Variants in CEACAM19 observed in about 807,000 individuals in gnomAD.
CEACAM19 encodes the protein cell adhesion molecule CEACAM19.
CEACAM19 carries 37 observed loss-of-function variants against 37.6 expected under a neutral mutation model. That is an observed-to-expected ratio of 0.98 (90% CI 0.76 to 1.29). The LOEUF is 1.29. CEACAM19 is among the 50% of genes most tolerant of loss of function. CEACAM19 has a pLI of 0.00. For synonymous variants in CEACAM19, 140 were observed against 149.8 expected (o/e 0.93, Z 0.48); for missense variants, 340 against 375.6 (o/e 0.91, Z 0.78).
intron 2 of CEACAM19, among the ~76,000 whole-genome samples, chr19:44,675,943 T>TC (rs1281419481): frequency 6.6e-6 from 1 of 151,918 alleles, no homozygotes; most frequent in Non-Finnish European, 1.5e-5. Flanking sequence ...TGTTGAAATT[T>TC]TTTTTTTAAT....
upstream of CEACAM19, among the ~76,000 whole-genome samples, chr19:44,667,735 T>C (rs1299069581): frequency 2.7e-5 from 2 of 75,252 alleles, no homozygotes; most frequent in African/African-American, 1.2e-4. Flanking sequence ...TATATTTATA[T>C]ATATAATATA....
upstream of CEACAM19, among the ~76,000 whole-genome samples, chr19:44,669,598 C>G (rs570334266): frequency 1.3e-5 from 2 of 152,170 alleles, no homozygotes; most frequent in African/African-American, 4.8e-5. Flanking sequence ...CTCCACTCAC[C>G]CAAGATATTG....
At chr19:44,668,759 T>TATATAATATAATATAATATATA (rs1363208366), upstream of CEACAM19, among the ~76,000 whole-genome samples, 5 of 91,468 alleles carry the variant, frequency 5.5e-5, no homozygotes, top group African/African-American at 3.8e-4. Context: ...TATAATATAA[T>TATATAATATAATATAATATATA]ATATATAATA....
In CEACAM19 at chr19:44,672,768, G is replaced by T. The variant is rs1973879046; in HGVS notation, c.228G>T (p.Arg76Ser). 1.3e-6 allele frequency: 2 copies of T among 1,581,716 alleles called. No homozygotes were observed. Among genetic ancestry groups the T allele is most frequent in the East Asian group, 4.6e-5 (2 of 43,420 alleles). The change falls in exon 2 of 8, where the codon AGG (arginine) becomes AGT (serine). Residue 76 changes from arginine (R) to serine (S), a missense_variant. By Grantham distance (110) the Arg-to-Ser change is moderately radical. Transcript: ENST00000358777. ...GGGAGGAGACGTACGGAGGCACGAG[G>T]CTATTTACCTACATCCCTGGGATAC... ...YLGEETYGGT[R>S]LFTYIPGIQR...
At chr19:44,671,324 G>A, upstream of CEACAM19, 1 of 202,748 alleles carries the variant, frequency 4.9e-6, no homozygotes, top group Non-Finnish European at 9.8e-6. Flanking sequence ...GTTTCACCAT[G>A]TTGGCCAGGC....
At chr19:44,675,443 A>T (rs2122133749) in intron 2 of CEACAM19, among the ~76,000 whole-genome samples, 1 of 152,148 alleles carries the variant, frequency 6.6e-6, no homozygotes, top group African/African-American at 2.4e-5. Flanking sequence ...CCAGAACCTC[A>T]TCCTTCTGCT....
At chr19:44,683,030 G>A (rs1262253725) in intron 7 of CEACAM19, 2 of 250,270 alleles carry the variant, frequency 8.0e-6, no homozygotes, top group Non-Finnish European at 1.5e-5. Flanking sequence ...ACATATGTCT[G>A]TATGTCTGTC....
At position 44,684,351 on chromosome 19, in the gene CEACAM19, A is replaced by T. The variant is rs1204370829; in HGVS notation, c.*861A>T. The T allele has an allele frequency of 2.0e-5, 3 of 151,324 alleles. No individual in the cohort carries two copies. The highest frequency in any genetic ancestry group is 2.9e-5 in the Non-Finnish European group (2 of 67,846). The allele number at this position is 151,324 out of a possible 1,614,324, so 9.4% of individuals were successfully genotyped here. A position where few individuals can be genotyped will look rare whatever the true frequency, so the allele number is the denominator to read the frequency against. ...AAAGAATCAGGAAATAAAATAAATA[A>T]TGAACATGCGTTGTCTGTCAGATGG... On this transcript the variant is annotated 3_prime_UTR_variant, in exon 8 of 8. Coordinates refer to ENST00000358777, the MANE Select transcript of CEACAM19 (RefSeq NM_001127893.3).
At position 44,672,923 on chromosome 19, in the gene CEACAM19, CTGAA is replaced by C. The variant is rs761154450; in HGVS notation, c.386_389del (p.Glu129GlyfsTer3). The stretch of plus-strand genomic sequence containing the variant: ...TACCAAGTAGCCATTACCATCAACT[CTGAA>C]TGGACTATGAAGGCCAAGACTGAGG... On this transcript the variant is annotated frameshift_variant, in exon 2 of 8. Transcript: ENST00000358777. LOFTEE classifies it high-confidence loss of function. 138 of 1,531,418 alleles carry C rather than the reference CTGAA, an allele frequency of 9.0e-5. No homozygotes were observed. The highest frequency in any genetic ancestry group is 3.5e-4 in the Middle Eastern group (2 of 5,748). 94.9% of individuals were successfully genotyped at this position (1,531,418 alleles called of 1,614,324 possible). A position where few individuals can be genotyped will look rare whatever the true frequency, so the allele number is the denominator to read the frequency against.
upstream of CEACAM19, among the ~76,000 whole-genome samples, chr19:44,667,832 TTTATATATAATATATACAATATATATAAA>T (rs1568512270): frequency 5.4e-5 from 4 of 73,930 alleles, no homozygotes; most frequent in South Asian, 1.2e-3. Flanking sequence ...AATTATATAT[TTTATATATAATATATACAATATATATAAA>T]TTATATATAA....
upstream of CEACAM19, among the ~76,000 whole-genome samples, chr19:44,668,682 A>ATTATAATATATTATATATTATATT (rs1295795791): frequency 2.7e-5 from 2 of 73,806 alleles, no homozygotes; most frequent in South Asian, 3.8e-4. Flanking sequence ...TATATTATAT[A>ATTATAATATATTATATATTATATT]TTATAATATA....
In CEACAM19 at chr19:44,683,608, T is replaced by C. The variant is rs1974105477; in HGVS notation, c.*118T>C. 2 of 585,492 alleles carry C rather than the reference T, an allele frequency of 3.4e-6. No homozygotes were observed. The highest frequency in any genetic ancestry group is 5.8e-6 in the Non-Finnish European group (2 of 341,998). The allele number at this position is 585,492 out of a possible 1,614,324, so 36.3% of individuals were successfully genotyped here. On this transcript the variant is annotated 3_prime_UTR_variant, in exon 8 of 8. Coordinates refer to ENST00000358777, the MANE Select transcript of CEACAM19 (RefSeq NM_001127893.3). ...GGGCTGTGGGGCCGATGAGGTGGAC[T>C]CAGCCAAAGACTCAGCAGCACATGG...
Position 44,678,870 on chromosome 19 carries a change from G to C in CEACAM19, c.593G>C (p.Gly198Ala). 2 of 1,613,920 alleles carry C rather than the reference G, an allele frequency of 1.2e-6. No homozygotes were observed. Among genetic ancestry groups the C allele is most frequent in the Non-Finnish European group, 1.7e-6 (2 of 1,179,936 alleles). ...CACCCTAGACTGCCTGCTCCGAGGGGCCAGGGATCTCTGTCCATCTTGTGC... is the reference window on the plus strand; with the variant it reads ...CACCCTAGACTGCCTGCTCCGAGGGCCCAGGGATCTCTGTCCATCTTGTGC... Reference protein sequence around the residue: ...GQSHRLPAPRGQGSLSILCSA... With the variant: ...GQSHRLPAPRAQGSLSILCSA... Residue 198 changes from glycine to alanine, a missense_variant, in exon 4 of 8, where the codon GGC becomes GCC. Physicochemically the swap from Gly to Ala is moderately conservative, Grantham distance 60. Transcript: ENST00000358777.
upstream of CEACAM19, among the ~76,000 whole-genome samples, chr19:44,670,796 A>G (rs56313026): frequency 8.1e-6 from 1 of 122,934 alleles, no homozygotes; most frequent in African/African-American, 4.6e-5. Context: ...AAAAAAAAAA[A>G]AAAAAAAAAA....
intron 6 of CEACAM19, among the ~76,000 whole-genome samples, 167 bp downstream of exon 6, chr19:44,681,479 A>C (rs371520810): frequency 6.6e-6 from 1 of 152,202 alleles, no homozygotes; most frequent in Non-Finnish European, 1.5e-5. Context: ...CTGGAAGGAA[A>C]CAGCACAACA....
rs371011675 is a variant in CEACAM19, at chr19:44,678,673, A to C, written c.576-180A>C. On this transcript the variant is annotated intron_variant, in intron 3 of 7. Transcript: ENST00000358777. ...TGATCTGCCCACCTTGGCCTCCCAAAGTGTTGGGATTACAGGCATGAGCCA... is the reference window on the plus strand; with the variant it reads ...TGATCTGCCCACCTTGGCCTCCCAACGTGTTGGGATTACAGGCATGAGCCA... 4.8e-5 allele frequency: 38 copies of C among 789,802 alleles called. No homozygotes were observed. In the African/African-American group the frequency reaches 5.2e-4, roughly 11 times the overall value. The allele number at this position is 789,802 out of a possible 1,614,324, so 48.9% of individuals were successfully genotyped here. A position where few individuals can be genotyped will look rare whatever the true frequency, so the allele number is the denominator to read the frequency against.
intron 7 of CEACAM19, chr19:44,683,228 C>G: frequency 2.2e-6 from 1 of 461,076 alleles, no homozygotes; most frequent in Non-Finnish European, 3.9e-6. Context: ...TCTCCTGCCT[C>G]TTTGTCTCTG....
rs1050125776 is a variant in CEACAM19 at position 44,671,512 on chromosome 19, A to G, written c.-420A>G. 7.5e-6 allele frequency: 3 copies of G among 399,396 alleles called. No individual in the cohort carries two copies. Among genetic ancestry groups the G allele is most frequent in the Non-Finnish European group, 1.3e-5 (3 of 226,978 alleles). 24.7% of individuals were successfully genotyped at this position (399,396 alleles called of 1,614,324 possible). A position where few individuals can be genotyped will look rare whatever the true frequency, so the allele number is the denominator to read the frequency against. The stretch of plus-strand genomic sequence containing the variant: ...TCTTTTCCTGGGCCTCTGTTTCCAC[A>G]TCTGTGCAATGGGAACAGTTATTTA... On this transcript the variant is annotated 5_prime_UTR_variant, in exon 1 of 8. Coordinates refer to ENST00000358777, the MANE Select transcript of CEACAM19 (RefSeq NM_001127893.3).
upstream of CEACAM19, among the ~76,000 whole-genome samples, chr19:44,669,008 C>T (rs778668414): frequency 1.3e-5 from 2 of 149,832 alleles, no homozygotes; most frequent in Non-Finnish European, 3.0e-5. Flanking sequence ...TTAGTAGAGA[C>T]AGGGTTTCAT....
Sources: gnomAD v4.1 joint callset for allele counts (sites outside exome capture counted in the v4.1 genomes callset) on GRCh38, gnomAD v4.1.1 for gene constraint, MANE v1.5 for transcripts, NCBI Gene and HGNC (gene_info 2026-07-23, HGNC 2026-07-21) for gene names.